The following CLIP2 variants were observed in gnomAD, a reference collection of about 807,000 sequenced individuals.
CLIP2 encodes CAP-Gly domain containing linker protein 2.
A neutral mutation model predicts 111.7 loss-of-function variants in CLIP2; 41 were observed. The ratio of observed to expected loss-of-function variants is 0.37; its 90% CI spans 0.29 to 0.48. The LOEUF (loss-of-function observed/expected upper bound fraction) is 0.48. Ranked by LOEUF, CLIP2 falls within the 20% of genes least tolerant of loss-of-function variation. The probability of loss-of-function intolerance (pLI) is 0.99; values close to 1 mark genes in which losing one functional copy is unlikely to be tolerated. For synonymous variants in CLIP2, 660 were observed against 644.2 expected, an observed-to-expected ratio of 1.02 and a Z score of -0.37; for missense variants, 1,160 against 1,422.1, an observed-to-expected ratio of 0.82 and a Z score of 2.96.
Position 74,333,692 on chromosome 7 carries a change from A to G in CLIP2, c.122-4756A>G, listed in dbSNP as rs1025213951. On this transcript the variant is annotated intron_variant, in intron 2 of 16. Transcript: ENST00000223398. ...GAGACAGGGTCTCACTGTGTTACCC[A>G]GGCTGGTCTCAAACTCCTGGCCTCA... Among the ~76,000 whole-genome samples the G allele has an allele frequency of 9.1e-4, 139 of 151,996 alleles. 1 individual carries two copies. The highest frequency in any genetic ancestry group is 2.2e-4 in the Non-Finnish European group (15 of 68,028).
intron 3 of CLIP2, among the ~76,000 whole-genome samples, chr7:74,346,899 T>C (rs1231184699): frequency 2.0e-5 from 3 of 151,762 alleles, no homozygotes; most frequent in Admixed American, 1.3e-4. Flanking sequence ...ATTATTCAAG[T>C]GTGGTGTCGC....
At chr7:74,295,542 A>T (rs1788143588) in intron 1 of CLIP2, among the ~76,000 whole-genome samples, 1 of 152,080 alleles carries the variant, frequency 6.6e-6, no homozygotes. Flanking sequence ...TCCCTGCACA[A>T]ATCCATTCAT....
At chr7:74,321,557 C>T (rs1554730026) in intron 2 of CLIP2, among the ~76,000 whole-genome samples, 1 of 151,958 alleles carries the variant, frequency 6.6e-6, no homozygotes, top group African/African-American at 2.4e-5. Flanking sequence ...GCAACCTCCA[C>T]CTCCCGGGTT....
chr7:74,347,334 C>T (rs752427431), intron 3 of CLIP2, among the ~76,000 whole-genome samples: 4 of 152,106 alleles, frequency 2.6e-5, no homozygotes, highest in Non-Finnish European at 4.4e-5. Context: ...AGTGGTGCGA[C>T]CTCAGCTCAC....
In CLIP2 at chr7:74,305,855, A is replaced by ACCCCCCC. The variant is rs1478628381; in HGVS notation, c.-67-11622_-67-11616dup. On this transcript the variant is annotated intron_variant, in intron 1 of 16. Coordinates refer to ENST00000223398, the MANE Select transcript of CLIP2 (RefSeq NM_003388.5). ...AGCTGGCTTCTCTCCCTGCACCCCA[A>ACCCCCCC]CCCCCCCCCACCGCCCCTGCTGCCA... is the stretch of plus-strand genomic sequence containing the variant. 1.6e-3 allele frequency among the ~76,000 whole-genome samples: 85 copies of ACCCCCCC among 52,270 alleles called. 1 individual carries two copies. Among genetic ancestry groups the ACCCCCCC allele is most frequent in the Middle Eastern group, 8.6e-3 (1 of 116 alleles). The allele number at this position is 52,270 out of a possible 152,430, so 34.3% of individuals were successfully genotyped here. A position where few individuals can be genotyped will look rare whatever the true frequency, so the allele number is the denominator to read the frequency against.
chr7:74,342,844 G>T (rs1034890578), intron 3 of CLIP2, among the ~76,000 whole-genome samples: 2 of 152,020 alleles, frequency 1.3e-5, no homozygotes, highest in Non-Finnish European at 2.9e-5. Context: ...TCAGGAGATC[G>T]AGACCATGGT....
chr7:74,352,347 G>A (rs1407898451), intron 3 of CLIP2, among the ~76,000 whole-genome samples: 1 of 152,044 alleles, frequency 6.6e-6, no homozygotes, highest in Non-Finnish European at 1.5e-5. Context: ...TGAGGCAGGA[G>A]AATCACTTGA....
In CLIP2 at chr7:74,403,831, C is replaced by T. The variant is rs782660062; in HGVS notation, c.3130-6C>T. 3 of 1,613,384 alleles carry T rather than the reference C, an allele frequency of 1.9e-6. No homozygotes were observed. The highest frequency in any genetic ancestry group is 2.5e-6 in the Non-Finnish European group (3 of 1,179,820). On this transcript the variant is annotated splice_region_variant and splice_polypyrimidine_tract_variant and intron_variant, in intron 16 of 16. Transcript: ENST00000223398. ...CCTTGCTGATGATGCCCTTTACTCT[C>T]TCTAGGACAAGCACTGATCCTGAGG... is the stretch of plus-strand genomic sequence containing the variant.
intron 13 of CLIP2, among the ~76,000 whole-genome samples, chr7:74,393,318 G>T (rs1300137188): frequency 6.8e-6 from 1 of 147,176 alleles, no homozygotes; most frequent in Non-Finnish European, 1.5e-5. Context: ...ATGAGCCACC[G>T]CACTGGGCCC....
intron 13 of CLIP2, among the ~76,000 whole-genome samples, chr7:74,394,768 T>G (rs890204153): frequency 6.6e-6 from 1 of 152,208 alleles, no homozygotes; most frequent in Non-Finnish European, 1.5e-5. Context: ...AACACTGCCC[T>G]CTGCAGATGC....
Position 74,321,845 on chromosome 7 carries a change from C to CATGT in CLIP2, c.121+4179_121+4182dup, listed in dbSNP as rs1788963325. Among the ~76,000 whole-genome samples the CATGT allele has an allele frequency of 3.3e-5, 5 of 152,012 alleles. No individual in the cohort carries two copies. The South Asian group carries it at 1.0e-3, about 32-fold the overall frequency. ...TCTGCAGTAGTGTACAGTCATCAGT[C>CATGT]ATGTCCTAGACCTTCACATTCACTC... On this transcript the variant is annotated intron_variant, in intron 2 of 16. Transcript: ENST00000223398.
Position 74,363,339 on chromosome 7 carries a change from G to C in CLIP2, c.1320-916G>C, listed in dbSNP as rs1584362246. On this transcript the variant is annotated intron_variant, in intron 7 of 16. Coordinates refer to ENST00000223398, the MANE Select transcript of CLIP2 (RefSeq NM_003388.5). The stretch of plus-strand genomic sequence containing the variant: ...CCTATGTGTGGCTGTAAGGTGGGGT[G>C]GGCCTGTGTCTCTCCCCTGCGCTGT... Among the ~76,000 whole-genome samples the C allele has an allele frequency of 3.3e-5, 5 of 152,268 alleles. No individual in the cohort carries two copies. The Middle Eastern group carries it at 0.017, about 518-fold the overall frequency.
chr7:74,375,466 T>G (rs776342267), intron 9 of CLIP2, among the ~76,000 whole-genome samples: 2 of 139,670 alleles, frequency 1.4e-5, no homozygotes, highest in Non-Finnish European at 3.0e-5. Flanking sequence ...GGCAGGAGAA[T>G]CGCTTGAACC....
chr7:74,368,827 C>T (rs1163565779), intron 8 of CLIP2, among the ~76,000 whole-genome samples: 1 of 152,218 alleles, frequency 6.6e-6, no homozygotes, highest in Non-Finnish European at 1.5e-5. Context: ...TCAGCTTCAA[C>T]AGTCATCAAC....
intron 7 of CLIP2, among the ~76,000 whole-genome samples, 193 bp downstream of exon 7, chr7:74,360,471 C>T (rs1790296866): frequency 6.6e-6 from 1 of 152,188 alleles, no homozygotes; most frequent in South Asian, 2.1e-4. Context: ...TTGGTCCTGT[C>T]TTCTGCAGGC....
At position 74,317,613 on chromosome 7, in the gene CLIP2, A is replaced by T; in HGVS notation, c.67A>T (p.Thr23Ser). 1 of 1,526,856 alleles carries T rather than the reference A, an allele frequency of 6.5e-7. No individual in the cohort carries two copies. The allele number at this position is 1,526,856 out of a possible 1,614,324, so 94.6% of individuals were successfully genotyped here. ...GGKHSSPMGRTSTGSASSSAA... is the reference protein window; with the variant it reads ...GGKHSSPMGRSSTGSASSSAA... ...GAAGCACTCCAGCCCCATGGGCCGG[A>T]CATCTACTGGGTCAGCTTCATCCTC... Residue 23 changes from threonine (T) to serine (S), a missense_variant, in exon 2 of 17, where the codon ACA becomes TCA. Coordinates refer to ENST00000223398, the MANE Select transcript of CLIP2 (RefSeq NM_003388.5).
chr7:74,371,539 A>G (rs1331390105), intron 8 of CLIP2, among the ~76,000 whole-genome samples: 1 of 147,898 alleles, frequency 6.8e-6, no homozygotes, highest in African/African-American at 2.5e-5. Flanking sequence ...GAGAGGAGAG[A>G]AAGAGAGAGG....
intron 2 of CLIP2, among the ~76,000 whole-genome samples, chr7:74,333,285 G>A (rs781918772): frequency 6.6e-6 from 1 of 151,944 alleles, no homozygotes; most frequent in Non-Finnish European, 1.5e-5. Flanking sequence ...CTGGGCTTAA[G>A]CGATTCTCCT....
chr7:74,347,751 C>G (rs954009813), intron 3 of CLIP2, among the ~76,000 whole-genome samples: 3 of 152,104 alleles, frequency 2.0e-5, no homozygotes, highest in Non-Finnish European at 4.4e-5. Flanking sequence ...GAATATGTGA[C>G]TATGAATATT....
Sources: allele counts gnomAD v4.1 joint callset (sites outside exome capture counted in the v4.1 genomes callset), GRCh38; gene constraint gnomAD v4.1.1; transcripts MANE v1.5; gene names NCBI Gene and HGNC (gene_info 2026-07-23, HGNC 2026-07-21).